The following SENP6 variants were observed in gnomAD, a reference collection of about 807,000 sequenced individuals.
The protein encoded by SENP6 is SUMO specific peptidase 6.
SENP6 carries 41 observed loss-of-function variants against 134.5 expected under a neutral mutation model. That is an observed-to-expected ratio of 0.30 (90% CI 0.24 to 0.40). The LOEUF (loss-of-function observed/expected upper bound fraction) is 0.40. SENP6 is among the 10% of genes least tolerant of loss of function. SENP6 has a pLI of 1.00. For missense variants in SENP6, 1,248 were observed against 1,312.5 expected (o/e 0.95, Z 0.76); for synonymous variants, 395 against 429.8 (o/e 0.92, Z 1.00).
chr6:75,678,436 G>A, intron 14 of SENP6, 147 bp from the exon 15 acceptor site: 1 of 556,552 alleles, frequency 1.8e-6, no homozygotes, highest in Non-Finnish European at 3.2e-6. Flanking sequence ...CCTGTTTCTT[G>A]TTTTTAATTG....
intron 11 of SENP6, among the ~76,000 whole-genome samples, chr6:75,673,857 C>T (rs1772875088): frequency 1.3e-5 from 2 of 151,698 alleles, no homozygotes; most frequent in Non-Finnish European, 2.9e-5. Flanking sequence ...CCCATCTCTA[C>T]TAAGACTACA....
chr6:75,713,639 T>C, intron 22 of SENP6, 36 bp from the exon 23 acceptor site: 1 of 1,589,246 alleles, frequency 6.3e-7, no homozygotes, highest in Non-Finnish European at 8.6e-7. Context: ...TATATTTATA[T>C]ATGTGTGTAT....
At chr6:75,606,830 A>G (rs1164474532) in intron 1 of SENP6, among the ~76,000 whole-genome samples, 2 of 152,222 alleles carry the variant, frequency 1.3e-5, no homozygotes, top group African/African-American at 4.8e-5. Context: ...AGTTTCAAGC[A>G]TTTCGGATAA....
intron 10 of SENP6, among the ~76,000 whole-genome samples, chr6:75,670,079 G>A (rs867865654): frequency 5.3e-5 from 8 of 152,030 alleles, no homozygotes; most frequent in African/African-American, 1.2e-4. Flanking sequence ...CTGAGTAGCC[G>A]GGATTACAGG....
chr6:75,688,640 C>T (rs1035345779), intron 16 of SENP6, among the ~76,000 whole-genome samples: 3 of 152,084 alleles, frequency 2.0e-5, no homozygotes, highest in African/African-American at 7.2e-5. Context: ...TCATAGCTGA[C>T]CAGACACAGT....
intron 22 of SENP6, 39 bp from the exon 23 acceptor site, chr6:75,713,636 A>G (rs377476270): frequency 1.9e-6 from 3 of 1,592,136 alleles, no homozygotes; most frequent in African/African-American, 1.3e-5. Flanking sequence ...ATGTATATTT[A>G]TATATGTGTG....
intron 7 of SENP6, chr6:75,654,891 T>C (rs1009822860): frequency 6.6e-6 from 1 of 152,204 alleles, no homozygotes; most frequent in Non-Finnish European, 1.5e-5. Flanking sequence ...TAATTAACAC[T>C]TTTCTGTTCT....
At chr6:75,635,088 G>A (rs972147607) in intron 5 of SENP6, 5 of 468,908 alleles carry the variant, frequency 1.1e-5, no homozygotes, top group Non-Finnish European at 1.6e-5. Context: ...TTACAATATT[G>A]ACCTGAAAGT....
intron 18 of SENP6, 103 bp from the exon 19 acceptor site, chr6:75,702,542 A>T: frequency 1.8e-6 from 2 of 1,113,892 alleles, no homozygotes; most frequent in Non-Finnish European, 2.5e-6. Context: ...TTAATAAATT[A>T]ATTGGCAAGA....
chr6:75,714,404 A>T (rs569127203), intron 23 of SENP6, among the ~76,000 whole-genome samples: 1 of 152,250 alleles, frequency 6.6e-6, no homozygotes, highest in South Asian at 2.1e-4. Context: ...GTAGATGACC[A>T]CTAGGTTCTG....
At chr6:75,628,060 C>A (rs909200565) in intron 3 of SENP6, among the ~76,000 whole-genome samples, 1 of 152,070 alleles carries the variant, frequency 6.6e-6, no homozygotes, top group African/African-American at 2.4e-5. Flanking sequence ...AAAGTAAAAC[C>A]TACAGGACAC....
rs1776066363 is a variant in SENP6 at position 75,717,291 on chromosome 6, A to G, written c.*1697A>G. 6.6e-6 allele frequency: 1 copy of G among 152,024 alleles called. No homozygotes were observed. Among genetic ancestry groups the G allele is most frequent in the African/African-American group, 2.4e-5 (1 of 41,438 alleles). The allele number at this position is 152,024 out of a possible 1,614,324, so 9.4% of individuals were successfully genotyped here. ...ATACATAATTTTTTTAATGAACTATATTTTGTCAGAATCTGAAGGTACTGA... is the reference window on the plus strand; with the variant it reads ...ATACATAATTTTTTTAATGAACTATGTTTTGTCAGAATCTGAAGGTACTGA... On this transcript the variant is annotated 3_prime_UTR_variant, in exon 24 of 24. Transcript: ENST00000447266.
chr6:75,626,316 T>A (rs1768688556), intron 3 of SENP6, among the ~76,000 whole-genome samples: 1 of 151,822 alleles, frequency 6.6e-6, no homozygotes. Context: ...TGACTTGTTT[T>A]AAAAATTATG....
At chr6:75,699,354 C>CTTTTTTTTTTTTTTTTT (rs71544060) in intron 18 of SENP6, among the ~76,000 whole-genome samples, 5 of 115,020 alleles carry the variant, frequency 4.3e-5, no homozygotes, top group Admixed American at 9.5e-5. Context: ...TTTGTTTTTG[C>CTTTTTTTTTTTTTTTTT]TTTTTTTTTT....
chr6:75,602,787 AGG>A (rs1261274617), intron 1 of SENP6, among the ~76,000 whole-genome samples: 1 of 152,066 alleles, frequency 6.6e-6, no homozygotes, highest in Non-Finnish European at 1.5e-5. Context: ...GGTTCGGCCC[AGG>A]GGGCGCGGGT....
Position 75,717,930 on chromosome 6 carries a change from T to G in SENP6, c.*2336T>G, listed in dbSNP as rs1776085929. The G allele has an allele frequency of 6.6e-6, 1 of 152,184 alleles. No individual in the cohort carries two copies. Among genetic ancestry groups the G allele is most frequent in the Non-Finnish European group, 1.5e-5 (1 of 67,998 alleles). 9.4% of individuals were successfully genotyped at this position (152,184 alleles called of 1,614,324 possible). A position where few individuals can be genotyped will look rare whatever the true frequency, so the allele number is the denominator to read the frequency against. On this transcript the variant is annotated 3_prime_UTR_variant, in exon 24 of 24. Coordinates refer to ENST00000447266, the MANE Select transcript of SENP6 (RefSeq NM_015571.4). ...GTTTAGGAGCAGAAGTGGTGTTTAG[T>G]CCCTTCCCGTTAATGTTGCTGTGCT...
At chr6:75,621,492 T>G (rs372986825) in intron 1 of SENP6, 40 bp from the exon 2 acceptor site, 224 of 1,145,038 alleles carry the variant, frequency 2.0e-4, no homozygotes, top group Non-Finnish European at 2.7e-4. Flanking sequence ...ATTGAATAGC[T>G]CTATTAATGA....
chr6:75,661,808 G>A (rs1582797488), intron 8 of SENP6, among the ~76,000 whole-genome samples: 1 of 152,118 alleles, frequency 6.6e-6, no homozygotes, highest in East Asian at 1.9e-4. Flanking sequence ...CAGCACTTTG[G>A]CAGGCCGAGG....
intron 6 of SENP6, 105 bp downstream of exon 6, chr6:75,640,809 C>A: frequency 6.2e-6 from 4 of 647,676 alleles, no homozygotes; most frequent in East Asian, 3.2e-5. Flanking sequence ...ATAATTAAAG[C>A]TTTTTTTAAT....
Sources: allele counts gnomAD v4.1 joint callset (sites outside exome capture counted in the v4.1 genomes callset), GRCh38; gene constraint gnomAD v4.1.1; transcripts MANE v1.5; gene names NCBI Gene and HGNC (gene_info 2026-07-23, HGNC 2026-07-21).